Variants in PDE4D observed in about 807,000 individuals in gnomAD.
PDE4D encodes phosphodiesterase 4D.
PDE4D carries 24 observed loss-of-function variants against 87.4 expected under a neutral mutation model. The observed-to-expected ratio is 0.27, with a 90% CI of 0.20 to 0.39. PDE4D has a LOEUF of 0.39. PDE4D is among the 10% of genes least tolerant of loss of function. PDE4D has a pLI of 1.00. For synonymous variants in PDE4D, 384 were observed against 383.2 expected, an observed-to-expected ratio of 1.00 and a Z score of -0.02; for missense variants, 714 against 1,041.0, an observed-to-expected ratio of 0.69 and a Z score of 4.32.
At chr5:59,503,426 C>T (rs1808679292) in intron 1 of PDE4D, among the ~76,000 whole-genome samples, 1 of 152,134 alleles carries the variant, frequency 6.6e-6, no homozygotes, top group Non-Finnish European at 1.5e-5. Context: ...ACCAAGAATA[C>T]ACAGTACAGT....
intron 1 of PDE4D, among the ~76,000 whole-genome samples, chr5:60,238,813 G>A (rs1300467184): frequency 6.6e-6 from 1 of 151,838 alleles, no homozygotes; most frequent in Non-Finnish European, 1.5e-5. Flanking sequence ...TGTTGTTGGT[G>A]TTATTTGCTA....
chr5:59,410,410 C>T (rs764685818), intron 1 of PDE4D, among the ~76,000 whole-genome samples: 1 of 152,088 alleles, frequency 6.6e-6, no homozygotes, highest in Non-Finnish European at 1.5e-5. Context: ...CCATGACTGG[C>T]TAATTTTTAT....
chr5:59,577,855 T>C (rs1227132124), intron 1 of PDE4D, among the ~76,000 whole-genome samples: 1 of 152,192 alleles, frequency 6.6e-6, no homozygotes, highest in Non-Finnish European at 1.5e-5. Context: ...TTAACTTACA[T>C]ATTTTATTTG....
intron 2 of PDE4D, among the ~76,000 whole-genome samples, chr5:60,060,394 C>A (rs1217437012): frequency 6.6e-6 from 1 of 152,042 alleles, no homozygotes; most frequent in African/African-American, 2.4e-5. Context: ...TGTGTGGAGA[C>A]TAAAGCAACT....
At chr5:60,365,750 T>C (rs1206930811) in intron 1 of PDE4D, among the ~76,000 whole-genome samples, 1 of 152,132 alleles carries the variant, frequency 6.6e-6, no homozygotes, top group East Asian at 1.9e-4. Flanking sequence ...CATCTAAGAA[T>C]CTGGCCATTT....
At chr5:59,806,965 A>C (rs1448650463) in intron 1 of PDE4D, among the ~76,000 whole-genome samples, 5 of 152,112 alleles carry the variant, frequency 3.3e-5, no homozygotes, top group African/African-American at 1.2e-4. Context: ...TCTTGGTTTT[A>C]TTTTATGGAG....
chr5:60,250,183 T>C (rs1433187140), intron 1 of PDE4D, among the ~76,000 whole-genome samples: 2 of 152,024 alleles, frequency 1.3e-5, no homozygotes, highest in African/African-American at 4.8e-5. Context: ...TTTTCACTTA[T>C]AAGTTATTAC....
chr5:60,319,236 G>C (rs1250697389), intron 1 of PDE4D, among the ~76,000 whole-genome samples: 2 of 151,906 alleles, frequency 1.3e-5, no homozygotes, highest in East Asian at 1.9e-4. Context: ...TCATTCATTT[G>C]ATCTTCCATC....
chr5:60,468,930 C>T (rs149101009), intron 1 of PDE4D, among the ~76,000 whole-genome samples: 168 of 152,262 alleles, frequency 1.1e-3, no homozygotes, highest in African/African-American at 3.9e-3. Flanking sequence ...ATCGTCCCCA[C>T]CATTTCCTGC....
intron 1 of PDE4D, among the ~76,000 whole-genome samples, chr5:60,264,580 T>C (rs1403367929): frequency 1.3e-5 from 2 of 152,252 alleles, no homozygotes; most frequent in Non-Finnish European, 2.9e-5. Context: ...GACTAGAATG[T>C]CTCAGAAGAT....
rs568128748 is a variant in PDE4D, at chr5:59,991,381, A to C, written c.43-2664T>G. 3.9e-4 allele frequency among the ~76,000 whole-genome samples: 60 copies of C among 152,244 alleles called. No homozygotes were observed. The Middle Eastern group carries it at 0.01, about 26-fold the overall frequency. On this transcript the variant is annotated intron_variant, in intron 2 of 16. Transcript: ENST00000502484. The stretch of plus-strand genomic sequence containing the variant: ...GGGAGTCTGAATTTTAGTATGCACC[A>C]CCTCTGATCCCAATGCGGAGGGTTT...
At chr5:60,130,395 T>G (rs1171673565) in intron 2 of PDE4D, among the ~76,000 whole-genome samples, 1 of 152,136 alleles carries the variant, frequency 6.6e-6, no homozygotes, top group Admixed American at 6.5e-5. Context: ...AAGGACATAT[T>G]TTTTCATGTG....
At chr5:59,607,427 T>C (rs1828361863) in intron 1 of PDE4D, among the ~76,000 whole-genome samples, 1 of 152,082 alleles carries the variant, frequency 6.6e-6, no homozygotes, top group Non-Finnish European at 1.5e-5. Context: ...AATGACCAAA[T>C]AGTTCTGTAC....
At chr5:59,514,228 C>CT (rs1252235928) in intron 1 of PDE4D, among the ~76,000 whole-genome samples, 1 of 151,880 alleles carries the variant, frequency 6.6e-6, no homozygotes, top group Non-Finnish European at 1.5e-5. Flanking sequence ...GCCTCAGCCT[C>CT]CCGAGTAGCT....
intron 2 of PDE4D, among the ~76,000 whole-genome samples, chr5:60,044,097 T>C (rs1266952135): frequency 6.6e-6 from 1 of 152,102 alleles, no homozygotes; most frequent in Non-Finnish European, 1.5e-5. Flanking sequence ...GTGTGGACTT[T>C]TTTTTTATAC....
chr5:60,029,235 G>T (rs184253094), intron 2 of PDE4D, among the ~76,000 whole-genome samples: 3 of 152,178 alleles, frequency 2.0e-5, no homozygotes, highest in East Asian at 3.9e-4. Flanking sequence ...AAATCTTGGG[G>T]CCCCCAAATC....
At chr5:59,984,041 A>T (rs79608088) in intron 3 of PDE4D, among the ~76,000 whole-genome samples, 37,329 of 151,826 alleles carry the variant, frequency 0.25, 5,285 homozygotes, top group Admixed American at 0.34. Flanking sequence ...CATGGATATC[A>T]AAAAAAAATT....
intron 1 of PDE4D, among the ~76,000 whole-genome samples, chr5:59,425,293 G>T (rs981983255): frequency 6.6e-6 from 1 of 152,056 alleles, no homozygotes; most frequent in Non-Finnish European, 1.5e-5. Flanking sequence ...TCTTAAAAAA[G>T]CTCTGAAGTT....
At position 58,977,074 on chromosome 5, in the gene PDE4D, G is replaced by A; in HGVS notation, c.1707+117C>T. On this transcript the variant is annotated intron_variant, in intron 12 of 14. Transcript: ENST00000340635. ...CACGGGCAGCTTCTATAACATAAAG[G>A]GCCATAATATGTTTTGAAATGCAGT... 3 of 887,678 alleles carry A rather than the reference G, an allele frequency of 3.4e-6. No individual in the cohort carries two copies. In the South Asian group the frequency reaches 5.2e-5, roughly 15 times the overall value. The allele number at this position is 887,678 out of a possible 1,614,324, so 55.0% of individuals were successfully genotyped here. A position where few individuals can be genotyped will look rare whatever the true frequency, so the allele number is the denominator to read the frequency against.
Sources: allele counts gnomAD v4.1 joint callset (sites outside exome capture counted in the v4.1 genomes callset), GRCh38; gene constraint gnomAD v4.1.1; transcripts MANE v1.5; gene names NCBI Gene and HGNC (gene_info 2026-07-23, HGNC 2026-07-21).